PPARGC1A: variants seen among roughly 807,000 people sequenced by gnomAD.
PPARGC1A encodes the protein PPARG coactivator 1 alpha.
A neutral mutation model predicts 88.7 loss-of-function variants in PPARGC1A; 25 were observed. That is an observed-to-expected ratio of 0.28 (90% CI 0.21 to 0.39). The LOEUF is 0.39. Among genes scored for constraint, PPARGC1A ranks in the 10% least tolerant of loss-of-function variants. PPARGC1A has a pLI of 1.00. For synonymous variants in PPARGC1A, 363 were observed against 355.6 expected (o/e 1.02, Z -0.24); for missense variants, 880 against 968.7 (o/e 0.91, Z 1.22).
chr4:24,132,574 C>G, the PPARGC1A span, among the ~76,000 whole-genome samples: 1 of 152,156 alleles, frequency 6.6e-6, no homozygotes, highest in African/African-American at 2.4e-5. Context: ...CAAGAGAAAT[C>G]TGAGAGCCCA....
intron 2 of PPARGC1A, among the ~76,000 whole-genome samples, chr4:23,868,149 G>A (rs1339940489): frequency 6.6e-6 from 1 of 152,100 alleles, no homozygotes; most frequent in Non-Finnish European, 1.5e-5. Context: ...GGAGAGAAGA[G>A]TAAATGCTCT....
At chr4:23,948,479 C>A in the PPARGC1A span, among the ~76,000 whole-genome samples, 1 of 152,052 alleles carries the variant, frequency 6.6e-6, no homozygotes, top group African/African-American at 2.4e-5. Context: ...ATTTTTATAG[C>A]CTACTGAGGT....
the PPARGC1A span, among the ~76,000 whole-genome samples, chr4:24,180,168 T>A: frequency 1.2e-4 from 18 of 152,204 alleles, no homozygotes; most frequent in Non-Finnish European, 2.5e-4. Context: ...AACATTACAT[T>A]TTTAATTAAC....
At chr4:23,997,355 T>C in the PPARGC1A span, among the ~76,000 whole-genome samples, 2 of 152,142 alleles carry the variant, frequency 1.3e-5, no homozygotes, top group African/African-American at 4.8e-5. Flanking sequence ...ATCCTTTTTT[T>C]TATCTAAGGT....
At chr4:24,175,560 G>A in the PPARGC1A span, among the ~76,000 whole-genome samples, 1 of 45,654 alleles carries the variant, frequency 2.2e-5, no homozygotes, top group African/African-American at 8.6e-5. Flanking sequence ...TTTTTTTTTT[G>A]TATTTTTAGT....
At chr4:24,015,809 G>A in the PPARGC1A span, among the ~76,000 whole-genome samples, 4 of 152,266 alleles carry the variant, frequency 2.6e-5, no homozygotes, top group South Asian at 8.3e-4. Flanking sequence ...GAAACACACT[G>A]CAAGATTAAA....
At chr4:24,239,574 A>G in the PPARGC1A span, among the ~76,000 whole-genome samples, 1 of 152,222 alleles carries the variant, frequency 6.6e-6, no homozygotes, top group Non-Finnish European at 1.5e-5. Flanking sequence ...CCACTCTCAC[A>G]GGGTAATGAG....
chr4:23,816,831 G>A (rs1385265173), intron 7 of PPARGC1A, among the ~76,000 whole-genome samples: 1 of 152,184 alleles, frequency 6.6e-6, no homozygotes, highest in African/African-American at 2.4e-5. Flanking sequence ...CTTTTCGAAT[G>A]TGAATTATGT....
chr4:23,918,601 C>T, the PPARGC1A span, among the ~76,000 whole-genome samples: 1 of 152,078 alleles, frequency 6.6e-6, no homozygotes, highest in Non-Finnish European at 1.5e-5. Context: ...TTACTTATGG[C>T]TACCAAAGTT....
the PPARGC1A span, among the ~76,000 whole-genome samples, chr4:24,093,733 T>C: frequency 6.6e-6 from 1 of 152,226 alleles, no homozygotes; most frequent in African/African-American, 2.4e-5. Flanking sequence ...TCTGTTCTTA[T>C]GGAAGGCAGC....
chr4:23,999,599 A>G, the PPARGC1A span, among the ~76,000 whole-genome samples: 1 of 152,182 alleles, frequency 6.6e-6, no homozygotes, highest in Non-Finnish European at 1.5e-5. Flanking sequence ...TGGAAAAGGG[A>G]TTTTGGAAAC....
At chr4:24,012,794 A>C in the PPARGC1A span, among the ~76,000 whole-genome samples, 1 of 152,188 alleles carries the variant, frequency 6.6e-6, no homozygotes, top group African/African-American at 2.4e-5. Context: ...TTTTCAAAAT[A>C]TACAGTAAAT....
the PPARGC1A span, among the ~76,000 whole-genome samples, chr4:24,316,215 CAT>C: frequency 1.3e-5 from 2 of 152,192 alleles, no homozygotes; most frequent in Non-Finnish European, 2.9e-5. Flanking sequence ...TTGTCAAGAC[CAT>C]ATGTGTCTGC....
the PPARGC1A span, among the ~76,000 whole-genome samples, chr4:24,139,102 C>G: frequency 6.6e-6 from 1 of 151,960 alleles, no homozygotes. Context: ...CAACCAGAAG[C>G]AAGTTACTAA....
the PPARGC1A span, among the ~76,000 whole-genome samples, chr4:24,395,108 C>T: frequency 8.8e-4 from 134 of 152,272 alleles, no homozygotes; most frequent in Non-Finnish European, 1.5e-3. Flanking sequence ...GCACCTTAGA[C>T]GAATAACAAA....
At chr4:24,109,065 C>G in the PPARGC1A span, among the ~76,000 whole-genome samples, 2 of 141,384 alleles carry the variant, frequency 1.4e-5, no homozygotes, top group Non-Finnish European at 3.0e-5. Context: ...CACCTGAGAC[C>G]ATAAATGCCA....
chr4:24,331,516 T>C, the PPARGC1A span, among the ~76,000 whole-genome samples: 1 of 152,212 alleles, frequency 6.6e-6, no homozygotes, highest in Non-Finnish European at 1.5e-5. Context: ...ATCTTGTTTA[T>C]TGCTATAGTC....
At chr4:24,130,080 A>G in the PPARGC1A span, among the ~76,000 whole-genome samples, 1 of 152,158 alleles carries the variant, frequency 6.6e-6, no homozygotes, top group African/African-American at 2.4e-5. Context: ...ACACACCAAC[A>G]TGGCAAATGT....
chr4:24,328,707 T>A, the PPARGC1A span, among the ~76,000 whole-genome samples: 24 of 152,318 alleles, frequency 1.6e-4, no homozygotes, highest in African/African-American at 4.3e-4. Context: ...GGGTTTTTTT[T>A]CCACCCCACC....
Sources: gnomAD v4.1 joint callset for allele counts (sites outside exome capture counted in the v4.1 genomes callset) on GRCh38, gnomAD v4.1.1 for gene constraint, MANE v1.5 for transcripts, NCBI Gene and HGNC (gene_info 2026-07-23, HGNC 2026-07-21) for gene names.